ANO10: variants seen among roughly 807,000 people sequenced by gnomAD.
The protein encoded by ANO10 is anoctamin 10.
A neutral mutation model predicts 74.7 loss-of-function variants in ANO10; 77 were observed. The observed-to-expected ratio is 1.03, with a 90% CI of 0.86 to 1.25. The LOEUF (loss-of-function observed/expected upper bound fraction) is 1.25. Ranked by LOEUF, ANO10 falls within the 50% of genes most tolerant of loss-of-function variation. The pLI, the probability that ANO10 is intolerant of heterozygous loss-of-function variation, is 0.00. For missense variants in ANO10, 721 were observed against 778.1 expected, an observed-to-expected ratio of 0.93 and a Z score of 0.87; for synonymous variants, 279 against 284.9, an observed-to-expected ratio of 0.98 and a Z score of 0.21.
In ANO10 at chr3:43,603,516, C is replaced by T. The variant is rs553672620; in HGVS notation, c.139+2198G>A. Among the ~76,000 whole-genome samples, 3 of 151,994 alleles carry T rather than the reference C, an allele frequency of 2.0e-5. No individual in the cohort carries two copies. The East Asian group carries it at 5.8e-4, about 29-fold the overall frequency. On this transcript the variant is annotated intron_variant, in intron 2 of 12. Transcript: ENST00000292246. ...TTGATTTATAGATGTTATATCTTTT[C>T]GTAACTCTGAGTGCTGCGATGTTTA...
intron 12 of ANO10, among the ~76,000 whole-genome samples, chr3:43,421,397 C>A (rs1427813842): frequency 6.6e-6 from 1 of 151,940 alleles, no homozygotes; most frequent in Non-Finnish European, 1.5e-5. Flanking sequence ...TGGTGGTGCA[C>A]ACCTATAGTC....
At chr3:43,634,901 G>A (rs879414760) in intron 1 of ANO10, among the ~76,000 whole-genome samples, 4 of 152,164 alleles carry the variant, frequency 2.6e-5, no homozygotes, top group Non-Finnish European at 4.4e-5. Flanking sequence ...GAAAGGAGAT[G>A]TGGTCCTGTG....
chr3:43,393,211 C>T (rs2092311993), intron 12 of ANO10, among the ~76,000 whole-genome samples: 2 of 152,168 alleles, frequency 1.3e-5, no homozygotes, highest in Non-Finnish European at 2.9e-5. Flanking sequence ...AATAAATTAA[C>T]AACACTAAAT....
intron 12 of ANO10, among the ~76,000 whole-genome samples, chr3:43,422,464 T>C (rs2092834511): frequency 6.6e-6 from 1 of 152,212 alleles, no homozygotes; most frequent in Admixed American, 6.5e-5. Flanking sequence ...ATCTCTAGAA[T>C]TTATTATGAG....
At position 43,627,095 on chromosome 3, in the gene ANO10, C is replaced by A. The variant is rs1208104563; in HGVS notation, c.-11-21232G>T. On this transcript the variant is annotated intron_variant, in intron 1 of 3. Transcript: ENST00000413397. The stretch of plus-strand genomic sequence containing the variant: ...CTGTATGCTTAGATTCATAGCATCC[C>A]ATTTTCCACTAAGTGACAAGGCCAC... Among the ~76,000 whole-genome samples the A allele has an allele frequency of 3.3e-5, 5 of 152,276 alleles. No homozygotes were observed. The East Asian group carries it at 9.6e-4, about 29-fold the overall frequency.
At chr3:43,577,520 C>T (rs893825892) in intron 5 of ANO10, among the ~76,000 whole-genome samples, 5 of 152,132 alleles carry the variant, frequency 3.3e-5, no homozygotes, top group Non-Finnish European at 5.9e-5. Flanking sequence ...CTCTGTTTCC[C>T]CTCACCTGAT....
At chr3:43,536,844 AT>A (rs921496882) in intron 11 of ANO10, among the ~76,000 whole-genome samples, 2 of 152,018 alleles carry the variant, frequency 1.3e-5, no homozygotes, top group African/African-American at 4.8e-5. Flanking sequence ...TTTCTAAAGC[AT>A]TTTTTCAACA....
chr3:43,691,075 G>GGC, intron 1 of ANO10: 1 of 1,515,074 alleles, frequency 6.6e-7, no homozygotes, highest in Non-Finnish European at 8.9e-7. Context: ...GTGTGTCTCC[G>GGC]GCGCGCACCC....
At chr3:43,545,586 G>A (rs2079154447) in intron 11 of ANO10, among the ~76,000 whole-genome samples, 1 of 152,088 alleles carries the variant, frequency 6.6e-6, no homozygotes, top group African/African-American at 2.4e-5. Flanking sequence ...GGCTGGTCTC[G>A]AACTCCTGAC....
At chr3:43,644,734 A>G (rs896420380) in intron 1 of ANO10, among the ~76,000 whole-genome samples, 1 of 152,182 alleles carries the variant, frequency 6.6e-6, no homozygotes, top group Non-Finnish European at 1.5e-5. Flanking sequence ...CACCTCTTCA[A>G]TGGGTCAGCC....
chr3:43,660,451 C>T (rs185823471), intron 1 of ANO10, among the ~76,000 whole-genome samples: 1 of 152,150 alleles, frequency 6.6e-6, no homozygotes, highest in African/African-American at 2.4e-5. Flanking sequence ...GTGAAGCATA[C>T]ACAAGCTTCA....
chr3:43,374,719 C>T (rs751574761), intron 12 of ANO10, among the ~76,000 whole-genome samples: 4 of 152,216 alleles, frequency 2.6e-5, no homozygotes, highest in Non-Finnish European at 4.4e-5. Flanking sequence ...AGATTTTCTG[C>T]TTCTGCTAAA....
intron 1 of ANO10, among the ~76,000 whole-genome samples, chr3:43,659,467 CTG>C (rs1406694611): frequency 1.3e-5 from 2 of 152,196 alleles, no homozygotes; most frequent in Non-Finnish European, 2.9e-5. Context: ...ACACAGCAGT[CTG>C]AGATCAACCT....
chr3:43,485,243 G>C, intron 11 of ANO10: 5 of 643,756 alleles, frequency 7.8e-6, no homozygotes, highest in Non-Finnish European at 1.1e-5. Context: ...GGGAGTCATA[G>C]TGAGAGGCAG....
intron 9 of ANO10, among the ~76,000 whole-genome samples, chr3:43,559,617 A>C (rs1050330335): frequency 1.3e-4 from 20 of 152,116 alleles, no homozygotes; most frequent in African/African-American, 4.3e-4. Context: ...ATGGCTGGTG[A>C]CAGAAGGCCT....
intron 7 of ANO10, among the ~76,000 whole-genome samples, chr3:43,572,127 C>G (rs569381210): frequency 1.7e-4 from 26 of 152,310 alleles, no homozygotes; most frequent in African/African-American, 6.3e-4. Context: ...TTCCCAACCC[C>G]AACCTACCAC....
chr3:43,419,649 G>A (rs1041299919), intron 12 of ANO10, among the ~76,000 whole-genome samples: 1 of 151,668 alleles, frequency 6.6e-6, no homozygotes, highest in South Asian at 2.1e-4. Flanking sequence ...CTCAGTAGCT[G>A]GGACTACAGC....
At chr3:43,542,791 A>G (rs1456798026) in intron 11 of ANO10, among the ~76,000 whole-genome samples, 2 of 152,210 alleles carry the variant, frequency 1.3e-5, no homozygotes, top group Admixed American at 1.3e-4. Context: ...TTCTGATACT[A>G]AGCTGGTTAG....
At chr3:43,391,698 G>A (rs762312196) in intron 12 of ANO10, among the ~76,000 whole-genome samples, 4 of 152,166 alleles carry the variant, frequency 2.6e-5, no homozygotes, top group Middle Eastern at 3.2e-3. Flanking sequence ...GTGGCCCTGA[G>A]GAGAGGTCCC....
Sources: gnomAD v4.1 joint callset for allele counts (sites outside exome capture counted in the v4.1 genomes callset) on GRCh38, gnomAD v4.1.1 for gene constraint, MANE v1.5 for transcripts, NCBI Gene and HGNC (gene_info 2026-07-23, HGNC 2026-07-21) for gene names.